Variants in BRCA1 observed in about 807,000 individuals in gnomAD.
The protein encoded by BRCA1 is BRCA1 DNA repair associated.
BRCA1 carries 140 observed loss-of-function variants against 173.7 expected under a neutral mutation model. The observed-to-expected ratio is 0.81, with a 90% confidence interval of 0.70 to 0.93. The LOEUF (loss-of-function observed/expected upper bound fraction) is 0.93. Among genes scored for constraint, BRCA1 ranks in the 40% least tolerant of loss-of-function variants. The probability of loss-of-function intolerance (pLI) is 0.00; values close to 1 mark genes in which losing one functional copy is unlikely to be tolerated. For synonymous variants in BRCA1, 662 were observed against 756.0 expected (o/e 0.88, Z 2.04); for missense variants, 1,983 against 2,172.5 (o/e 0.91, Z 1.73).
Position 43,159,705 on chromosome 17 carries a change from C to T in BRCA1, c.-20+10421G>A, listed in dbSNP as rs1180143381. 22 of 202,566 alleles carry T rather than the reference C, an allele frequency of 1.1e-4. No homozygotes were observed. The South Asian group carries it at 1.3e-3, about 12-fold the overall frequency. 12.5% of individuals were successfully genotyped at this position (202,566 alleles called of 1,614,324 possible). On this transcript the variant is annotated intron_variant, in intron 1 of 7. Transcript: ENST00000634433. ...CAAGTACCCAGGGACACAAACACTGCGGAAGGCCGCAGGGTCCTCTGCCTA... is the reference window on the plus strand; with the variant it reads ...CAAGTACCCAGGGACACAAACACTGTGGAAGGCCGCAGGGTCCTCTGCCTA...
chr17:43,158,978 G>T (rs954648734), intron 1 of BRCA1, among the ~76,000 whole-genome samples: 28 of 152,200 alleles, frequency 1.8e-4, no homozygotes, highest in African/African-American at 6.8e-4. Context: ...GCTCATACCT[G>T]TAATCCCAGC....
intron 1 of BRCA1, chr17:43,132,590 T>C (rs1296428909): frequency 6.7e-6 from 1 of 149,798 alleles, no homozygotes; most frequent in Admixed American, 6.6e-5. Flanking sequence ...TTTCTTTTTC[T>C]TTTTTTAGAG....
intron 1 of BRCA1, among the ~76,000 whole-genome samples, chr17:43,154,574 A>T (rs188623227): frequency 2.0e-5 from 3 of 152,168 alleles, no homozygotes; most frequent in African/African-American, 7.2e-5. Context: ...AAAAATAAAA[A>T]CTTTAGAAAA....
chr17:43,103,875 G>A (rs1338490013), intron 6 of BRCA1, among the ~76,000 whole-genome samples: 1 of 152,042 alleles, frequency 6.6e-6, no homozygotes, highest in Non-Finnish European at 1.5e-5. Flanking sequence ...GGGGAGCCGA[G>A]GTGGGTGGAT....
intron 6 of BRCA1, 39 bp downstream of exon 6, chr17:43,104,070 GAAAAAAAAAAGAA>G: frequency 1.4e-6 from 1 of 704,978 alleles, no homozygotes; most frequent in Non-Finnish European, 2.0e-6. Flanking sequence ...AAAAAAAAAA[GAAAAAAAAAAGAA>G]AAGAAGAAGA....
intron 2 of BRCA1, among the ~76,000 whole-genome samples, chr17:43,122,410 G>A (rs1413895259): frequency 6.6e-6 from 1 of 152,178 alleles, no homozygotes; most frequent in Non-Finnish European, 1.5e-5. Flanking sequence ...TGAACATACA[G>A]ATGTATGTAA....
At chr17:43,068,664 T>C (rs1339353903) in intron 15 of BRCA1, among the ~76,000 whole-genome samples, 3 of 152,192 alleles carry the variant, frequency 2.0e-5, no homozygotes, top group Non-Finnish European at 4.4e-5. Context: ...TACTGTACTA[T>C]AAATTTATCA....
intron 12 of BRCA1, among the ~76,000 whole-genome samples, chr17:43,077,284 G>C (rs1340993313): frequency 1.3e-5 from 2 of 151,062 alleles, no homozygotes; most frequent in Non-Finnish European, 2.9e-5. Flanking sequence ...AATGGCACAA[G>C]AAGGGAAAAA....
At chr17:43,114,131 G>C (rs571123613) in intron 3 of BRCA1, among the ~76,000 whole-genome samples, 33 of 151,914 alleles carry the variant, frequency 2.2e-4, no homozygotes, top group Non-Finnish European at 1.8e-4. Context: ...GCAGTGGTGT[G>C]ATCATAGCTC....
At chr17:43,114,450 C>G (rs1289424356) in intron 3 of BRCA1, among the ~76,000 whole-genome samples, 1 of 146,212 alleles carries the variant, frequency 6.8e-6, no homozygotes, top group Non-Finnish European at 1.5e-5. Flanking sequence ...GTGGCATGAT[C>G]TTAGCTCACT....
chr17:43,094,223 A>G lies in BRCA1; in HGVS notation c.1308T>C (p.Pro436=), dbSNP rs770279083. Residue 436 remains proline, a synonymous_variant, in exon 10 of 23, where the codon CCT becomes CCC. Transcript: ENST00000357654. ...CACTTTTACATATTAAAGCCTCATG[A>G]GGATCACTGGCCAGTAAGTCTATTT... ...SEKIDLLASD[P]HEALICKSER... The G allele has an allele frequency of 3.1e-6, 5 of 1,614,012 alleles. No individual in the cohort carries two copies. The highest frequency in any genetic ancestry group is 4.2e-6 in the Non-Finnish European group (5 of 1,180,044).
chr17:43,099,453 TACAG>T (rs1477207593), intron 7 of BRCA1, among the ~76,000 whole-genome samples: 4 of 151,816 alleles, frequency 2.6e-5, no homozygotes, highest in East Asian at 2.0e-4. Flanking sequence ...TATTTTTTGG[TACAG>T]ACAGAGTTTC....
intron 21 of BRCA1, 66 bp downstream of exon 21, chr17:43,049,055 G>T (rs2152900622): frequency 1.4e-6 from 2 of 1,464,766 alleles, no homozygotes; most frequent in Non-Finnish European, 1.9e-6. Flanking sequence ...GGACTGACAG[G>T]TGCCAGTCTT....
At chr17:43,123,091 C>T (rs1004662010) in intron 2 of BRCA1, among the ~76,000 whole-genome samples, 2 of 151,488 alleles carry the variant, frequency 1.3e-5, no homozygotes, top group Non-Finnish European at 2.9e-5. Context: ...ATTAGCTGGG[C>T]ATGGTGGTGC....
chr17:43,147,253 G>A (rs912135410), intron 1 of BRCA1, among the ~76,000 whole-genome samples: 4 of 152,130 alleles, frequency 2.6e-5, no homozygotes, highest in African/African-American at 9.7e-5. Context: ...GCAGTGGCAC[G>A]ATCTCGGCTC....
rs56100707 is a variant in BRCA1 at position 43,093,990 on chromosome 17, G to A, written c.1541C>T (p.Pro514Leu). ...RKRRPTSGLH[P>L]EDFIKKADLA... Reference sequence around the variant, plus strand: ...ATCTGCTTTCTTGATAAAATCCTCAGGATGAAGGCCTGATGTAGGTCTCCT... The same window carrying A: ...ATCTGCTTTCTTGATAAAATCCTCAAGATGAAGGCCTGATGTAGGTCTCCT... The change falls in exon 10 of 23, where the codon CCT becomes CTT. Residue 514 changes from proline (P) to leucine (L), a missense_variant. Pro to Leu is a moderately conservative substitution (Grantham distance 98). Coordinates refer to ENST00000357654, the MANE Select transcript of BRCA1 (RefSeq NM_007294.4). 1.2e-6 allele frequency: 2 copies of A among 1,613,702 alleles called. No homozygotes were observed. Among genetic ancestry groups the A allele is most frequent in the African/African-American group, 2.7e-5 (2 of 74,868 alleles).
At chr17:43,163,688 C>T (rs1375260960) in intron 1 of BRCA1, 2 of 152,174 alleles carry the variant, frequency 1.3e-5, no homozygotes, top group Non-Finnish European at 2.9e-5. Flanking sequence ...GGCAGAGTGC[C>T]CAGTAAAGGT....
chr17:43,119,114 G>T (rs1021705282), intron 2 of BRCA1: 6 of 213,558 alleles, frequency 2.8e-5, no homozygotes, highest in Non-Finnish European at 5.7e-5. Context: ...ATCAAAGAAC[G>T]ACTAACCTGG....
rs539044217 is a variant in BRCA1 at position 43,045,615 on chromosome 17, G to A, written c.*63C>T. On this transcript the variant is annotated 3_prime_UTR_variant, in exon 23 of 23. Coordinates refer to ENST00000357654, the MANE Select transcript of BRCA1 (RefSeq NM_007294.4). ...GAGTGAGAGGAGCTCCCAGGGCCTG[G>A]AAAGGCCACTTTGTAAGCTCATTCT... 1.2e-6 allele frequency: 2 copies of A among 1,610,332 alleles called. No individual in the cohort carries two copies. Among genetic ancestry groups the A allele is most frequent in the Admixed American group, 1.7e-5 (1 of 59,842 alleles).
Sources: allele counts gnomAD v4.1 joint callset (sites outside exome capture counted in the v4.1 genomes callset), GRCh38; gene constraint gnomAD v4.1.1; transcripts MANE v1.5; gene names NCBI Gene and HGNC (gene_info 2026-07-23, HGNC 2026-07-21).